UBE2L3: variants seen among roughly 807,000 people sequenced by gnomAD.
UBE2L3 encodes ubiquitin conjugating enzyme E2 L3.
Under a neutral mutation model 17.8 loss-of-function variants are expected in UBE2L3, and 1 was observed. The observed-to-expected ratio is 0.06, with a 90% CI of 0.02 to 0.27. UBE2L3 has a LOEUF of 0.27. UBE2L3 is among the 10% of genes least tolerant of loss of function. UBE2L3 has a pLI of 1.00. For missense variants in UBE2L3, 40 were observed against 192.6 expected (o/e 0.21, Z 4.69); for synonymous variants, 44 against 68.5 (o/e 0.64, Z 1.76).
upstream of UBE2L3, among the ~76,000 whole-genome samples, chr22:21,562,981 C>T (rs1486453999): frequency 1.3e-5 from 2 of 151,710 alleles, no homozygotes; most frequent in African/African-American, 2.4e-5. Context: ...TGGCGGCTCA[C>T]GCCTGTAATC....
At chr22:21,574,653 G>T (rs1418033449) in intron 1 of UBE2L3, among the ~76,000 whole-genome samples, 2 of 152,186 alleles carry the variant, frequency 1.3e-5, no homozygotes, top group African/African-American at 4.8e-5. Context: ...TGAGACAGCT[G>T]TGTGAATGTT....
At chr22:21,601,326 G>GT (rs1288346340) in intron 2 of UBE2L3, among the ~76,000 whole-genome samples, 2 of 150,280 alleles carry the variant, frequency 1.3e-5, no homozygotes, top group African/African-American at 4.9e-5. Context: ...TTGTTTTTTT[G>GT]TTTTTGAGAC....
intron 1 of UBE2L3, among the ~76,000 whole-genome samples, chr22:21,583,157 C>T (rs1206111083): frequency 1.3e-5 from 2 of 152,150 alleles, no homozygotes; most frequent in Non-Finnish European, 2.9e-5. Flanking sequence ...TGATTTCTGC[C>T]CTCCATGTCT....
chr22:21,568,563 GGATCTT>G (rs1926774158), intron 1 of UBE2L3, among the ~76,000 whole-genome samples: 2 of 152,150 alleles, frequency 1.3e-5, no homozygotes, highest in African/African-American at 4.8e-5. Context: ...TTGGTACTTT[GGATCTT>G]GAATGCAGCA....
At chr22:21,603,907 A>ATTTT (rs144747629) in intron 2 of UBE2L3, among the ~76,000 whole-genome samples, 8 of 111,322 alleles carry the variant, frequency 7.2e-5, no homozygotes, top group African/African-American at 1.0e-4. Context: ...GTGTTTTTTG[A>ATTTT]TTTTTTTTTT....
In UBE2L3 at chr22:21,622,007, C is replaced by T. The variant is rs967337699; in HGVS notation, c.*338C>T. ...AAGGTTTAAAAAAAAGGAAAAAAAA[C>T]GGTTGTGGTTCCCTTTCTTCCCTAC... On this transcript the variant is annotated 3_prime_UTR_variant, in exon 4 of 4. Transcript: ENST00000342192. The T allele has an allele frequency of 4.7e-5, 10 of 212,354 alleles. No homozygotes were observed. Among genetic ancestry groups the T allele is most frequent in the South Asian group, 7.2e-5 (1 of 13,848 alleles). The allele number at this position is 212,354 out of a possible 1,614,324, so 13.2% of individuals were successfully genotyped here.
rs57678378 is a variant in UBE2L3, at chr22:21,612,643, CTTTTTTTTTTT to C, written c.310+1618_310+1628del. Among the ~76,000 whole-genome samples the C allele has an allele frequency of 1.3e-3, 69 of 52,490 alleles. 1 individual carries two copies. The highest frequency in any genetic ancestry group is 0.017 in the Middle Eastern group (1 of 60). The allele number at this position is 52,490 out of a possible 152,430, so 34.4% of individuals were successfully genotyped here. A position where few individuals can be genotyped will look rare whatever the true frequency, so the allele number is the denominator to read the frequency against. ...CCCAGCCGATTTTTTCTTTTCTTTT[CTTTTTTTTTTT>C]TTTTTTTTTTTTTTTTTGAGACGGA... On this transcript the variant is annotated intron_variant, in intron 3 of 3. Coordinates refer to ENST00000342192, the MANE Select transcript of UBE2L3 (RefSeq NM_003347.4).
chr22:21,618,542 ACT>A (rs919041032), intron 3 of UBE2L3, among the ~76,000 whole-genome samples: 47 of 150,740 alleles, frequency 3.1e-4, no homozygotes, highest in African/African-American at 9.7e-4. Flanking sequence ...TGTGCCACTA[ACT>A]CAGCCTGGGC....
At chr22:21,618,184 TA>T (rs575478971) in intron 3 of UBE2L3, among the ~76,000 whole-genome samples, 188 of 145,422 alleles carry the variant, frequency 1.3e-3, no homozygotes, top group African/African-American at 4.4e-3. Context: ...CCATCTCAAT[TA>T]AAAAAAAAAT....
chr22:21,614,879 C>T (rs747486872), intron 3 of UBE2L3, among the ~76,000 whole-genome samples: 6 of 148,672 alleles, frequency 4.0e-5, no homozygotes, highest in South Asian at 2.1e-4. Flanking sequence ...GTGAGCCAGG[C>T]GTGGTGGCTC....
intron 2 of UBE2L3, among the ~76,000 whole-genome samples, chr22:21,597,172 G>GT (rs1432887429): frequency 1.3e-5 from 2 of 151,890 alleles, no homozygotes; most frequent in Non-Finnish European, 2.9e-5. Context: ...TAGAGACAGG[G>GT]TTTTACCATG....
At chr22:21,552,551 CCT>C in intron 1 of UBE2L3, among the ~76,000 whole-genome samples, 1 of 56,938 alleles carries the variant, frequency 1.8e-5, no homozygotes, top group Non-Finnish European at 3.5e-5. Context: ...GTCGTGTCTC[CCT>C]GTCCCCAGGA....
At chr22:21,563,850 C>T (rs2148394129), upstream of UBE2L3, among the ~76,000 whole-genome samples, 1 of 151,818 alleles carries the variant, frequency 6.6e-6, no homozygotes, top group Middle Eastern at 3.4e-3. Context: ...GCTGGGATTA[C>T]AGGTGTGAGC....
chr22:21,568,204 C>T (rs1926749313), intron 1 of UBE2L3: 1 of 992,250 alleles, frequency 1.0e-6, no homozygotes, highest in Non-Finnish European at 1.2e-6. Context: ...CCGCAGCGCG[C>T]CGGGCTTGCA....
rs1295070337 is a variant in UBE2L3, at chr22:21,589,206, C to T, written c.28-3655C>T. On this transcript the variant is annotated intron_variant, in intron 1 of 3. Coordinates refer to ENST00000342192, the MANE Select transcript of UBE2L3 (RefSeq NM_003347.4). ...TGTCACCCAGGCTGGAGTGCAGTGG[C>T]GCAATCTTGGCTGACTGCAAGCTCT... is the stretch of plus-strand genomic sequence containing the variant. Among the ~76,000 whole-genome samples, 2 of 139,422 alleles carry T rather than the reference C, an allele frequency of 1.4e-5. 1 individual carries two copies. The highest frequency in any genetic ancestry group is 3.0e-5 in the Non-Finnish European group (2 of 66,802). 91.5% of individuals were successfully genotyped at this position (139,422 alleles called of 152,430 possible).
chr22:21,563,579 CTT>C (rs536786477), upstream of UBE2L3, among the ~76,000 whole-genome samples: 12 of 133,572 alleles, frequency 9.0e-5, no homozygotes, highest in African/African-American at 2.2e-4. Flanking sequence ...AAAATTAATA[CTT>C]TTTTTTTTTT....
At chr22:21,567,397 G>A (rs140490), upstream of UBE2L3, 15 of 258,880 alleles carry the variant, frequency 5.8e-5, no homozygotes, top group Non-Finnish European at 1.0e-4. Flanking sequence ...ACTCGTGACC[G>A]CGTGATCCAC....
intron 3 of UBE2L3, among the ~76,000 whole-genome samples, chr22:21,620,574 G>C (rs931313367): frequency 4.6e-5 from 7 of 152,192 alleles, no homozygotes; most frequent in Non-Finnish European, 8.8e-5. Context: ...GGTAGCAGCT[G>C]CTTCTGATTC....
At chr22:21,562,361 AT>A (rs1926469208) in intron 1 of UBE2L3, among the ~76,000 whole-genome samples, 2 of 135,828 alleles carry the variant, frequency 1.5e-5, no homozygotes, top group South Asian at 4.7e-4. Context: ...CACCCGGCTA[AT>A]TTTTTCTTTT....
Sources: allele counts gnomAD v4.1 joint callset (sites outside exome capture counted in the v4.1 genomes callset), GRCh38; gene constraint gnomAD v4.1.1; transcripts MANE v1.5; gene names NCBI Gene and HGNC (gene_info 2026-07-23, HGNC 2026-07-21).